ANKS1B: variants seen among roughly 807,000 people sequenced by gnomAD.
The protein encoded by ANKS1B is ankyrin repeat and sterile alpha motif domain-containing protein 1B.
ANKS1B carries 36 observed loss-of-function variants against 148.3 expected under a neutral mutation model. The ratio of observed to expected loss-of-function variants is 0.24; its 90% confidence interval spans 0.19 to 0.32. The LOEUF is 0.32. ANKS1B is among the 10% of genes least tolerant of loss of function. The pLI, the probability that ANKS1B is intolerant of heterozygous loss-of-function variation, is 1.00. For synonymous variants in ANKS1B, 542 were observed against 560.8 expected (o/e 0.97, Z 0.47); for missense variants, 1,157 against 1,542.6 (o/e 0.75, Z 4.19).
chr12:99,267,841 G>A (rs7966123), intron 12 of ANKS1B, among the ~76,000 whole-genome samples: 18,775 of 152,160 alleles, frequency 0.12, 2,975 homozygotes, highest in African/African-American at 0.38. Flanking sequence ...AGCACAGGAA[G>A]CATGCACAAG....
At chr12:99,143,166 A>G (rs1204849883) in intron 15 of ANKS1B, among the ~76,000 whole-genome samples, 1 of 152,144 alleles carries the variant, frequency 6.6e-6, no homozygotes, top group Non-Finnish European at 1.5e-5. Context: ...AATTCTTTCA[A>G]TATGAATTCT....
intron 25 of ANKS1B, among the ~76,000 whole-genome samples, chr12:98,772,391 TAGTC>T (rs758323444): frequency 1.3e-5 from 2 of 152,166 alleles, no homozygotes; most frequent in Non-Finnish European, 2.9e-5. Flanking sequence ...GCAGCTGTAT[TAGTC>T]AGTTCTCACG....
chr12:99,640,216 A>G (rs551415972), intron 9 of ANKS1B, among the ~76,000 whole-genome samples: 1 of 152,232 alleles, frequency 6.6e-6, no homozygotes, highest in South Asian at 2.1e-4. Flanking sequence ...ATAAAATTAG[A>G]CAAAAACGAT....
At chr12:99,566,850 T>C (rs1597226328) in intron 9 of ANKS1B, among the ~76,000 whole-genome samples, 1 of 152,196 alleles carries the variant, frequency 6.6e-6, no homozygotes. Flanking sequence ...CAACAGAAAA[T>C]GGACTAAGAC....
intron 14 of ANKS1B, among the ~76,000 whole-genome samples, chr12:99,208,833 AG>A (rs2082984789): frequency 6.6e-6 from 1 of 152,180 alleles, no homozygotes. Context: ...ATTTAAGAAA[AG>A]CTTTTTTTTA....
intron 15 of ANKS1B, among the ~76,000 whole-genome samples, chr12:99,109,385 C>T (rs1025962867): frequency 1.3e-5 from 2 of 152,132 alleles, no homozygotes; most frequent in Non-Finnish European, 2.9e-5. Context: ...AGGCCCTGAG[C>T]TAGATGCAGC....
intron 8 of ANKS1B, among the ~76,000 whole-genome samples, chr12:99,727,749 G>C (rs574410044): frequency 3.9e-5 from 6 of 152,202 alleles, no homozygotes; most frequent in African/African-American, 7.2e-5. Flanking sequence ...ATACTACAAG[G>C]CTACAGTAAC....
chr12:99,470,625 T>G (rs2096225393), intron 10 of ANKS1B, among the ~76,000 whole-genome samples: 1 of 152,186 alleles, frequency 6.6e-6, no homozygotes, highest in Non-Finnish European at 1.5e-5. Flanking sequence ...ATATGCCCAC[T>G]GCAGCATGTG....
At chr12:98,758,842 G>A (rs1372340059) in intron 25 of ANKS1B, among the ~76,000 whole-genome samples, 1 of 135,288 alleles carries the variant, frequency 7.4e-6, no homozygotes, top group Non-Finnish European at 1.5e-5. Flanking sequence ...GTGCAGTGGT[G>A]TGATCTCAGC....
chr12:99,154,573 A>C, intron 14 of ANKS1B, 178 bp from the exon 15 acceptor site: 6 of 1,513,668 alleles, frequency 4.0e-6, no homozygotes, highest in Non-Finnish European at 5.3e-6. Flanking sequence ...GTCAGAAGTA[A>C]AACATAGTTT....
At chr12:99,169,163 T>C (rs1179729864) in intron 14 of ANKS1B, among the ~76,000 whole-genome samples, 1 of 152,222 alleles carries the variant, frequency 6.6e-6, no homozygotes, top group Non-Finnish European at 1.5e-5. Flanking sequence ...GTGGAATTTA[T>C]AGCCTTGTGG....
At chr12:99,691,799 C>T (rs2098680602) in intron 8 of ANKS1B, among the ~76,000 whole-genome samples, 1 of 152,210 alleles carries the variant, frequency 6.6e-6, no homozygotes, top group Non-Finnish European at 1.5e-5. Context: ...CAGTGCCCCA[C>T]TCTCAGTACC....
At chr12:99,369,788 A>AGACG (rs1555404970) in intron 12 of ANKS1B, among the ~76,000 whole-genome samples, 2,920 of 103,890 alleles carry the variant, frequency 0.028, 49 homozygotes, top group African/African-American at 0.077. Context: ...ATAGATAGAT[A>AGACG]GATGGACGGA....
At chr12:98,766,904 CAA>C (rs2098488461) in intron 25 of ANKS1B, among the ~76,000 whole-genome samples, 1 of 152,000 alleles carries the variant, frequency 6.6e-6, no homozygotes, top group Admixed American at 6.6e-5. Context: ...CTCCTAGGCC[CAA>C]GAGATCCTCC....
intron 14 of ANKS1B, among the ~76,000 whole-genome samples, chr12:99,165,459 G>T (rs1404576289): frequency 6.6e-6 from 1 of 151,690 alleles, no homozygotes; most frequent in Non-Finnish European, 1.5e-5. Flanking sequence ...GAGTTTTTAT[G>T]GATATAAAAA....
chr12:99,802,049 AT>A (rs1567875213), intron 4 of ANKS1B, among the ~76,000 whole-genome samples: 1 of 152,192 alleles, frequency 6.6e-6, no homozygotes, highest in Non-Finnish European at 1.5e-5. Context: ...GAGTAAATGG[AT>A]TATAATGGAT....
At chr12:99,019,449 G>A (rs1416356411) in intron 17 of ANKS1B, among the ~76,000 whole-genome samples, 1 of 152,114 alleles carries the variant, frequency 6.6e-6, no homozygotes, top group African/African-American at 2.4e-5. Context: ...GGAAGAATCT[G>A]ATGATATTCA....
chr12:99,767,815 T>C (rs2062797054), intron 8 of ANKS1B, among the ~76,000 whole-genome samples: 2 of 152,036 alleles, frequency 1.3e-5, no homozygotes, highest in South Asian at 4.1e-4. Context: ...AGCCTTTATA[T>C]TACATGCAAA....
At chr12:99,422,828 G>C (rs2152719985) in intron 11 of ANKS1B, among the ~76,000 whole-genome samples, 1 of 152,218 alleles carries the variant, frequency 6.6e-6, no homozygotes, top group East Asian at 1.9e-4. Flanking sequence ...ATATATTAAA[G>C]AGATAAGAAC....
Sources: allele counts gnomAD v4.1 joint callset (sites outside exome capture counted in the v4.1 genomes callset), GRCh38; gene constraint gnomAD v4.1.1; transcripts MANE v1.5; gene names NCBI Gene and HGNC (gene_info 2026-07-23, HGNC 2026-07-21).